The following OSBPL10 variants were observed in gnomAD, a reference collection of about 807,000 sequenced individuals.
OSBPL10 encodes oxysterol-binding protein-related protein 10.
Under a neutral mutation model 81.7 loss-of-function variants are expected in OSBPL10, and 49 were observed. The ratio of observed to expected loss-of-function variants is 0.60; its 90% CI spans 0.48 to 0.76. The LOEUF is 0.76. Among genes scored for constraint, OSBPL10 ranks in the 30% least tolerant of loss-of-function variants. OSBPL10 has a pLI of 0.00. For synonymous variants in OSBPL10, 419 were observed against 383.6 expected (o/e 1.09, Z -1.08); for missense variants, 923 against 987.8 (o/e 0.93, Z 0.88).
intron 2 of OSBPL10, among the ~76,000 whole-genome samples, chr3:32,041,528 T>C (rs1346964858): frequency 6.6e-6 from 1 of 152,212 alleles, no homozygotes; most frequent in Non-Finnish European, 1.5e-5. Context: ...ACACGCCTCC[T>C]ATCAAGAGGC....
intron 1 of OSBPL10, among the ~76,000 whole-genome samples, chr3:31,892,364 C>A (rs920014924): frequency 6.6e-6 from 1 of 152,146 alleles, no homozygotes; most frequent in Non-Finnish European, 1.5e-5. Context: ...CATCAACCAG[C>A]GGCAGGGACA....
intron 2 of OSBPL10, among the ~76,000 whole-genome samples, chr3:31,996,566 T>A (rs970611656): frequency 6.6e-6 from 1 of 152,146 alleles, no homozygotes; most frequent in Non-Finnish European, 1.5e-5. Flanking sequence ...TTTCCCAAAG[T>A]TTAAAAAGAG....
At chr3:31,843,357 G>A (rs530048859) in intron 3 of OSBPL10, among the ~76,000 whole-genome samples, 1 of 152,270 alleles carries the variant, frequency 6.6e-6, no homozygotes, top group South Asian at 2.1e-4. Flanking sequence ...TTCCTACAAG[G>A]GTAGCCAGTG....
intron 4 of OSBPL10, among the ~76,000 whole-genome samples, chr3:31,810,015 G>A (rs1252349267): frequency 6.6e-6 from 1 of 151,856 alleles, no homozygotes; most frequent in Non-Finnish European, 1.5e-5. Flanking sequence ...GGGATTACAG[G>A]CATGTGCCAC....
Position 31,868,870 on chromosome 3 carries a change from C to T in OSBPL10, c.537+7563G>A, listed in dbSNP as rs539483559. On this transcript the variant is annotated intron_variant, in intron 3 of 11. Coordinates refer to ENST00000396556, the MANE Select transcript of OSBPL10 (RefSeq NM_017784.5). The stretch of plus-strand genomic sequence containing the variant: ...TAAATTTCTCCAACTCCCGAATCCA[C>T]TCCCAAATATTGACTTTTGTTGATT... 1.3e-4 allele frequency among the ~76,000 whole-genome samples: 20 copies of T among 152,334 alleles called. No homozygotes were observed. In the South Asian group the frequency reaches 3.9e-3, roughly 30 times the overall value.
intron 7 of OSBPL10, among the ~76,000 whole-genome samples, chr3:31,693,547 G>A (rs2168420): frequency 0.6 from 90,592 of 152,040 alleles, 28,563 homozygotes; most frequent in Non-Finnish European, 0.72. Context: ...AGAACATGAT[G>A]TCTGCTGTAG....
chr3:31,681,656 G>A (rs866634417), intron 8 of OSBPL10, among the ~76,000 whole-genome samples: 1 of 152,076 alleles, frequency 6.6e-6, no homozygotes, highest in African/African-American at 2.4e-5. Flanking sequence ...CACTTGCCTC[G>A]CAAGGAGCAC....
intron 4 of OSBPL10, among the ~76,000 whole-genome samples, chr3:31,821,788 T>C (rs550236937): frequency 4.7e-4 from 72 of 152,328 alleles, no homozygotes; most frequent in Non-Finnish European, 8.4e-4. Context: ...TCCCTGGTGA[T>C]GGGATTGTCT....
intron 1 of OSBPL10, among the ~76,000 whole-genome samples, chr3:32,066,015 A>AAGAAAG (rs1699776896): frequency 1.5e-5 from 1 of 65,716 alleles, no homozygotes; most frequent in East Asian, 1.1e-3. Flanking sequence ...AAGAGAAAGA[A>AAGAAAG]AGAAAGAAAG....
rs1050165470 is a variant in OSBPL10, at chr3:31,747,956, C to G, written c.894G>C (p.Gln298His). ...TGGGCTGGCCCGCCTGGTGCACACT[C>G]TGCTGTAACAAGTTGAGGCACTCCC... is the stretch of plus-strand genomic sequence containing the variant. ...CLGECLNLLQQSVHQAGQPSQ... is the reference protein window; with the variant it reads ...CLGECLNLLQHSVHQAGQPSQ... The change falls in exon 5 of 12, where the codon CAG becomes CAC. Residue 298 changes from glutamine to histidine, a missense_variant. Physicochemically the swap from Gln to His is conservative, Grantham distance 24. This residue lies in a region of OSBPL10 where 514 missense variants were observed against 508.0 expected (regional missense o/e 1.01). Transcript: ENST00000396556. The G allele has an allele frequency of 4.5e-5, 73 of 1,613,966 alleles. No individual in the cohort carries two copies. The highest frequency in any genetic ancestry group is 5.9e-5 in the Non-Finnish European group (70 of 1,180,044).
intron 2 of OSBPL10, among the ~76,000 whole-genome samples, chr3:32,012,183 C>G (rs1284478253): frequency 1.3e-5 from 2 of 152,180 alleles, no homozygotes; most frequent in African/African-American, 4.8e-5. Context: ...ATGTTAAAGG[C>G]AGCCAGAGAG....
intron 1 of OSBPL10, among the ~76,000 whole-genome samples, chr3:31,889,993 A>G (rs971117137): frequency 1.3e-5 from 2 of 151,948 alleles, no homozygotes; most frequent in African/African-American, 2.4e-5. Context: ...TCTGCTTCTC[A>G]ATCAGTTGAA....
chr3:32,003,892 G>C (rs976958858), intron 2 of OSBPL10, among the ~76,000 whole-genome samples: 1 of 152,122 alleles, frequency 6.6e-6, no homozygotes, highest in African/African-American at 2.4e-5. Context: ...TCTAGAACAC[G>C]GGCTAATACT....
rs530776284 is a variant in OSBPL10 at position 31,869,234 on chromosome 3, G to T, written c.537+7199C>A. ...GAGGTTCAGAAAGTACAAAAAAATG[G>T]TCTAAGCAGGTATGCTCAATACATC... On this transcript the variant is annotated intron_variant, in intron 3 of 11. Transcript: ENST00000396556. Among the ~76,000 whole-genome samples, 10 of 152,256 alleles carry T rather than the reference G, an allele frequency of 6.6e-5. No homozygotes were observed. In the East Asian group the frequency reaches 1.7e-3, roughly 26 times the overall value.
chr3:31,909,103 C>A (rs1249757948), intron 1 of OSBPL10, among the ~76,000 whole-genome samples: 1 of 152,150 alleles, frequency 6.6e-6, no homozygotes, highest in Non-Finnish European at 1.5e-5. Flanking sequence ...TTATCCATAG[C>A]CTGAGCTAAG....
At chr3:31,833,739 T>TCC (rs1559484744) in intron 3 of OSBPL10, among the ~76,000 whole-genome samples, 1 of 133,326 alleles carries the variant, frequency 7.5e-6, no homozygotes, top group Non-Finnish European at 1.6e-5. Context: ...ACACACACAC[T>TCC]CTCTCTCTCT....
chr3:31,983,513 G>A (rs1698890340), upstream of OSBPL10, among the ~76,000 whole-genome samples: 1 of 152,208 alleles, frequency 6.6e-6, no homozygotes, highest in Admixed American at 6.5e-5. Context: ...GAATAGTCAA[G>A]GCCAGGATGG....
chr3:31,797,750 T>C (rs7643025), intron 4 of OSBPL10: 347,163 of 454,144 alleles, frequency 0.76, 133,239 homozygotes, highest in African/African-American at 0.86. Context: ...CACAATACAA[T>C]GTACCAGAAA....
At chr3:31,675,174 A>C (rs1700434930) in intron 8 of OSBPL10, among the ~76,000 whole-genome samples, 1 of 107,934 alleles carries the variant, frequency 9.3e-6, no homozygotes. Flanking sequence ...TAATCGGGAT[A>C]CCTTGGGAAT....
Sources: gnomAD v4.1 joint callset for allele counts (sites outside exome capture counted in the v4.1 genomes callset) on GRCh38, gnomAD v4.1.1 for gene constraint, gnomAD v4.1.1 regional missense constraint, MANE v1.5 for transcripts, NCBI Gene and HGNC (gene_info 2026-07-23, HGNC 2026-07-21) for gene names.